ABCC4: variants seen among roughly 807,000 people sequenced by gnomAD.
The protein encoded by ABCC4 is ATP binding cassette subfamily C member 4 (PEL blood group), also known as ATP-binding cassette sub-family C member 4.
In ABCC4, 102 loss-of-function variants were observed where a neutral mutation model predicts 168.5. The ratio of observed to expected loss-of-function variants is 0.61; its 90% confidence interval spans 0.52 to 0.71. ABCC4 has a LOEUF of 0.71. Among genes scored for constraint, ABCC4 ranks in the 30% least tolerant of loss-of-function variants. The pLI, the probability that ABCC4 is intolerant of heterozygous loss-of-function variation, is 0.00. For synonymous variants in ABCC4, 617 were observed against 590.7 expected (o/e 1.04, Z -0.65); for missense variants, 1,402 against 1,605.8 (o/e 0.87, Z 2.17).
chr13:95,157,083 C>A (rs2139526717), intron 19 of ABCC4, among the ~76,000 whole-genome samples: 1 of 138,426 alleles, frequency 7.2e-6, no homozygotes, highest in South Asian at 2.4e-4. Context: ...CAGAGTGAGA[C>A]TCTACCACAC....
At chr13:95,296,715 G>A (rs1025467828) in intron 1 of ABCC4, among the ~76,000 whole-genome samples, 1 of 152,160 alleles carries the variant, frequency 6.6e-6, no homozygotes, top group Non-Finnish European at 1.5e-5. Flanking sequence ...GGTGTGGGCA[G>A]AGGAATGCAA....
At chr13:95,070,507 T>C (rs1046134548) in intron 25 of ABCC4, among the ~76,000 whole-genome samples, 2 of 152,148 alleles carry the variant, frequency 1.3e-5, no homozygotes, top group Non-Finnish European at 2.9e-5. Context: ...CCAGGACACA[T>C]GTGAAAGGGA....
At chr13:95,281,514 A>T (rs1480837329) in intron 1 of ABCC4, among the ~76,000 whole-genome samples, 1 of 152,140 alleles carries the variant, frequency 6.6e-6, no homozygotes, top group African/African-American at 2.4e-5. Context: ...GCTTGTCTGT[A>T]GTAATTCAGA....
Position 95,083,157 on chromosome 13 carries a change from T to C in ABCC4, c.2669A>G (p.Lys890Arg). The C allele has an allele frequency of 6.2e-7, 1 of 1,613,986 alleles. No individual in the cohort carries two copies. The highest frequency in any genetic ancestry group is 8.5e-7 in the Non-Finnish European group (1 of 1,179,926). ...ATACTCACTTGTAGATTCCAGGCGC[T>C]TCACATCTCTTGACGTTTCCAAAAA... is the stretch of plus-strand genomic sequence containing the variant. ...RYFLETSRDV[K>R]RLESTTRSPV... Residue 890 changes from lysine (K) to arginine (R), a missense_variant, in exon 21 of 31, where the codon AAG becomes AGG. Physicochemically the swap from Lys to Arg is conservative, Grantham distance 26. Around this residue, in one of 3 missense-constraint regions of ABCC4, gnomAD observed 1,007 missense variants for 1,127.3 expected, o/e 0.89. Transcript: ENST00000645237.
intron 20 of ABCC4, among the ~76,000 whole-genome samples, chr13:95,098,461 CAG>C (rs1487646142): frequency 2.0e-5 from 3 of 151,930 alleles, no homozygotes; most frequent in Non-Finnish European, 4.4e-5. Flanking sequence ...AACTGATTGA[CAG>C]AAACAAATTA....
chr13:95,121,973 C>A (rs561188369), intron 19 of ABCC4, among the ~76,000 whole-genome samples: 74 of 152,164 alleles, frequency 4.9e-4, no homozygotes, highest in Non-Finnish European at 9.1e-4. Flanking sequence ...AAGACAAAAG[C>A]CAATCTTGCT....
chr13:95,034,502 T>A, intron 30 of ABCC4, 103 bp downstream of exon 30: 18 of 1,430,894 alleles, frequency 1.3e-5, no homozygotes, highest in Non-Finnish European at 1.7e-5. Flanking sequence ...AGGCTTATAA[T>A]TGAAAAGGGT....
At chr13:95,227,085 G>A (rs1475274741) in intron 4 of ABCC4, among the ~76,000 whole-genome samples, 1 of 152,132 alleles carries the variant, frequency 6.6e-6, no homozygotes, top group African/African-American at 2.4e-5. Flanking sequence ...AGGAACCACT[G>A]AGCTAAAGCA....
chr13:95,125,603 C>T (rs1335620016), intron 19 of ABCC4, among the ~76,000 whole-genome samples: 1 of 152,108 alleles, frequency 6.6e-6, no homozygotes, highest in Admixed American at 6.5e-5. Context: ...TAGGAAAGTC[C>T]AGGGGCTCCA....
chr13:95,241,788 G>A (rs766581125), intron 3 of ABCC4, among the ~76,000 whole-genome samples: 19 of 152,042 alleles, frequency 1.2e-4, no homozygotes, highest in Non-Finnish European at 2.5e-4. Flanking sequence ...AAGACTCCCC[G>A]CAAACTGGTG....
At chr13:95,273,392 G>A (rs1040227313) in intron 1 of ABCC4, among the ~76,000 whole-genome samples, 6 of 152,180 alleles carry the variant, frequency 3.9e-5, no homozygotes, top group African/African-American at 1.4e-4. Context: ...TCTAGGCCAT[G>A]GCTTCCTTTC....
intron 8 of ABCC4, among the ~76,000 whole-genome samples, chr13:95,202,451 C>T (rs2038653976): frequency 1.3e-5 from 2 of 152,140 alleles, no homozygotes; most frequent in Non-Finnish European, 2.9e-5. Flanking sequence ...GACCTCCAGA[C>T]ACTAAGTCCA....
chr13:95,215,984 T>C (rs2039099475), intron 4 of ABCC4, among the ~76,000 whole-genome samples: 1 of 152,190 alleles, frequency 6.6e-6, no homozygotes, highest in Non-Finnish European at 1.5e-5. Context: ...ATCATATATC[T>C]GTGTTACCCT....
intron 20 of ABCC4, among the ~76,000 whole-genome samples, chr13:95,106,630 T>A (rs1356678311): frequency 6.6e-6 from 1 of 152,166 alleles, no homozygotes; most frequent in African/African-American, 2.4e-5. Context: ...TATATCTACA[T>A]TTTACATGTG....
At chr13:95,297,036 C>T (rs769467148) in intron 1 of ABCC4, among the ~76,000 whole-genome samples, 1 of 151,944 alleles carries the variant, frequency 6.6e-6, no homozygotes, top group Non-Finnish European at 1.5e-5. Context: ...TTTGGGAGGC[C>T]GATGCAGGTG....
intron 8 of ABCC4, among the ~76,000 whole-genome samples, chr13:95,206,019 T>C (rs1453502321): frequency 1.3e-5 from 2 of 152,174 alleles, no homozygotes; most frequent in African/African-American, 4.8e-5. Context: ...GCAGAGGTCC[T>C]AAAGGCATGC....
At position 95,153,176 on chromosome 13, in the gene ABCC4, A is replaced by G. The variant is rs114446639; in HGVS notation, c.2455+8013T>C. ...AAGATACTTTGATTCTTTTCTGACA[A>G]TAAGGTCACAGAGAACTATAATGTT... On this transcript the variant is annotated intron_variant, in intron 19 of 30. Coordinates refer to ENST00000645237, the MANE Select transcript of ABCC4 (RefSeq NM_005845.5). Among the ~76,000 whole-genome samples, 281 of 152,340 alleles carry G rather than the reference A, an allele frequency of 1.8e-3. 2 individuals are homozygous for G. Among genetic ancestry groups the G allele is most frequent in the African/African-American group, 6.3e-3 (262 of 41,580 alleles).
chr13:95,182,282 G>A (rs927278514), intron 11 of ABCC4, among the ~76,000 whole-genome samples: 1 of 152,224 alleles, frequency 6.6e-6, no homozygotes, highest in East Asian at 1.9e-4. Context: ...ACACCAAAGG[G>A]GTTTGTAGAG....
chr13:95,172,216 C>T (rs1205084931), intron 13 of ABCC4, among the ~76,000 whole-genome samples: 1 of 152,164 alleles, frequency 6.6e-6, no homozygotes, highest in Non-Finnish European at 1.5e-5. Flanking sequence ...ATCTTCCAGT[C>T]ATGCCATAAA....
Sources: gnomAD v4.1 joint callset for allele counts (sites outside exome capture counted in the v4.1 genomes callset) on GRCh38, gnomAD v4.1.1 for gene constraint, gnomAD v4.1.1 regional missense constraint, MANE v1.5 for transcripts, NCBI Gene and HGNC (gene_info 2026-07-23, HGNC 2026-07-21) for gene names.